OPRM1: variants seen among roughly 807,000 people sequenced by gnomAD.
The protein encoded by OPRM1 is opioid receptor mu 1, also known as mu-type opioid receptor.
OPRM1 carries 27 observed loss-of-function variants against 31.8 expected under a neutral mutation model. The observed-to-expected ratio is 0.85, with a 90% CI of 0.63 to 1.17. The LOEUF (loss-of-function observed/expected upper bound fraction) is 1.17, where lower values mean the gene tolerates loss of function less well. Among genes scored for constraint, OPRM1 ranks in the 50% most tolerant of loss-of-function variants. OPRM1 has a pLI of 0.00. For synonymous variants in OPRM1, 196 were observed against 189.9 expected (o/e 1.03, Z -0.26); for missense variants, 536 against 511.1 (o/e 1.05, Z -0.47).
At chr6:154,241,234 CAAAA>C (rs11308882) in intron 3 of OPRM1, among the ~76,000 whole-genome samples, 2 of 79,232 alleles carry the variant, frequency 2.5e-5, no homozygotes, top group Non-Finnish European at 5.0e-5. Flanking sequence ...GACTCCATCT[CAAAA>C]AAAAAAAAAA....
intron 3 of OPRM1, among the ~76,000 whole-genome samples, chr6:154,236,675 T>G (rs917768181): frequency 6.6e-6 from 1 of 152,234 alleles, no homozygotes; most frequent in African/African-American, 2.4e-5. Flanking sequence ...GTGGCTGACC[T>G]GCTGTTAATG....
intron 3 of OPRM1, among the ~76,000 whole-genome samples, chr6:154,102,132 G>T (rs1339496164): frequency 1.3e-5 from 2 of 151,980 alleles, no homozygotes; most frequent in Admixed American, 1.3e-4. Flanking sequence ...TAGAGACAGG[G>T]TTTTGCCGTG....
At chr6:154,041,794 A>G (rs1015819700) in intron 1 of OPRM1, among the ~76,000 whole-genome samples, 1 of 152,218 alleles carries the variant, frequency 6.6e-6, no homozygotes, top group African/African-American at 2.4e-5. Context: ...ATACCAAAGC[A>G]TCTAGGAATC....
At chr6:154,108,097 G>A in intron 3 of OPRM1, 1 of 629,858 alleles carries the variant, frequency 1.6e-6, no homozygotes, top group South Asian at 2.0e-5. Flanking sequence ...CCCTTTCCCT[G>A]AGCGGCCCTA....
chr6:154,043,021 C>T (rs1194603516), intron 1 of OPRM1, among the ~76,000 whole-genome samples: 1 of 152,080 alleles, frequency 6.6e-6, no homozygotes, highest in African/African-American at 2.4e-5. Context: ...TAGAATTACC[C>T]ATAACTGCAA....
chr6:154,229,346 GTTT>G (rs34462600), intron 3 of OPRM1, among the ~76,000 whole-genome samples: 30 of 112,620 alleles, frequency 2.7e-4, no homozygotes, highest in South Asian at 9.2e-4. Context: ...AAGTTTGCCG[GTTT>G]TTTTTTTTTT....
intron 3 of OPRM1, among the ~76,000 whole-genome samples, chr6:154,169,603 T>C (rs1397998790): frequency 1.3e-5 from 2 of 152,220 alleles, no homozygotes; most frequent in East Asian, 3.8e-4. Context: ...AGAAGAAACC[T>C]GTCTGTGGTC....
intron 1 of OPRM1, among the ~76,000 whole-genome samples, chr6:154,020,943 A>G (rs371016558): frequency 1.3e-4 from 20 of 152,348 alleles, no homozygotes; most frequent in African/African-American, 4.6e-4. Context: ...GTGCTTTCAC[A>G]GAGTAAATGT....
At chr6:154,191,394 C>T (rs1329461384) in intron 3 of OPRM1, among the ~76,000 whole-genome samples, 1 of 152,076 alleles carries the variant, frequency 6.6e-6, no homozygotes, top group Admixed American at 6.6e-5. Flanking sequence ...GAACCCCATG[C>T]CAGGCGCGGT....
intron 1 of OPRM1, among the ~76,000 whole-genome samples, chr6:154,055,500 C>G (rs1458912228): frequency 6.6e-6 from 1 of 152,170 alleles, no homozygotes; most frequent in Admixed American, 6.5e-5. Context: ...CCTACCAACA[C>G]TCACTCAGGG....
At chr6:154,152,347 G>GAAAGAAGAAAGAAA in intron 3 of OPRM1, among the ~76,000 whole-genome samples, 1 of 65,132 alleles carries the variant, frequency 1.5e-5, no homozygotes, top group Non-Finnish European at 3.1e-5. Flanking sequence ...AAGAAAGAAA[G>GAAAGAAGAAAGAAA]GAAAGAAAGA....
At chr6:154,038,630 G>A (rs770183572), upstream of OPRM1, among the ~76,000 whole-genome samples, 1 of 152,170 alleles carries the variant, frequency 6.6e-6, no homozygotes, top group Non-Finnish European at 1.5e-5. Flanking sequence ...GATTTAAGAT[G>A]TGAAAGATCA....
At chr6:154,115,564 G>A (rs765545603) in intron 3 of OPRM1, among the ~76,000 whole-genome samples, 4 of 152,042 alleles carry the variant, frequency 2.6e-5, no homozygotes, top group Non-Finnish European at 4.4e-5. Flanking sequence ...GAGAGAGAGA[G>A]AATAAGAGTT....
At chr6:154,113,545 G>T (rs750907812) in intron 3 of OPRM1, among the ~76,000 whole-genome samples, 1 of 152,156 alleles carries the variant, frequency 6.6e-6, no homozygotes, top group Non-Finnish European at 1.5e-5. Flanking sequence ...TTGTCACCTG[G>T]ACAGCCCTCC....
At chr6:154,098,269 G>A (rs927222709) in intron 3 of OPRM1, among the ~76,000 whole-genome samples, 1 of 110,708 alleles carries the variant, frequency 9.0e-6, no homozygotes, top group South Asian at 4.5e-4. Context: ...AACTAAAGTG[G>A]TGCAGTATCT....
In OPRM1 at chr6:154,205,277, A is replaced by AT. The variant is rs35309621; in HGVS notation, c.1165-41407dup. On this transcript the variant is annotated intron_variant, in intron 3 of 3. Transcript: ENST00000337049. ...ATCTAGTTCCATTCAGCATCCCTGT[A>AT]TTTTTTTTTAATAAAAACAGCTTTA... 3.3e-3 allele frequency among the ~76,000 whole-genome samples: 502 copies of AT among 151,544 alleles called. 1 individual carries two copies. Among genetic ancestry groups the AT allele is most frequent in the Middle Eastern group, 0.01 (3 of 294 alleles).
intron 1 of OPRM1, among the ~76,000 whole-genome samples, chr6:154,063,041 C>T (rs1311011267): frequency 2.0e-5 from 3 of 151,964 alleles, no homozygotes; most frequent in Non-Finnish European, 4.4e-5. Context: ...AGTTAAATCT[C>T]CAGAAAACAC....
chr6:154,243,672 A>C (rs1260737321), intron 3 of OPRM1, among the ~76,000 whole-genome samples: 1 of 152,156 alleles, frequency 6.6e-6, no homozygotes, highest in African/African-American at 2.4e-5. Flanking sequence ...AAGGCAGAAA[A>C]CAGGGTGGTC....
At chr6:154,133,592 A>G (rs1182173430), downstream of OPRM1, among the ~76,000 whole-genome samples, 2 of 152,240 alleles carry the variant, frequency 1.3e-5, no homozygotes, top group African/African-American at 4.8e-5. Context: ...AAGTGACTTT[A>G]CCAGTCTACC....
Sources: allele counts gnomAD v4.1 joint callset (sites outside exome capture counted in the v4.1 genomes callset), GRCh38; gene constraint gnomAD v4.1.1; transcripts MANE v1.5; gene names NCBI Gene and HGNC (gene_info 2026-07-23, HGNC 2026-07-21).